The following CWF19L2 variants were observed in gnomAD, a reference collection of about 807,000 sequenced individuals.
CWF19L2 encodes CWF19 like cell cycle control factor 2.
CWF19L2 carries 98 observed loss-of-function variants against 111.7 expected under a neutral mutation model. The observed-to-expected ratio is 0.88, with a 90% CI of 0.75 to 1.04. The LOEUF (loss-of-function observed/expected upper bound fraction) is 1.04, where lower values mean the gene tolerates loss of function less well. Ranked by LOEUF, CWF19L2 falls within the 50% of genes least tolerant of loss-of-function variation. The probability of loss-of-function intolerance (pLI) is 0.00; values close to 1 mark genes in which losing one functional copy is unlikely to be tolerated. For synonymous variants in CWF19L2, 351 were observed against 342.9 expected (o/e 1.02, Z -0.26); for missense variants, 1,101 against 1,051.4 (o/e 1.05, Z -0.65).
intron 3 of CWF19L2, among the ~76,000 whole-genome samples, chr11:107,451,559 G>C (rs184867219): frequency 3.9e-5 from 6 of 152,172 alleles, no homozygotes; most frequent in Non-Finnish European, 8.8e-5. Flanking sequence ...ACTGACAGAG[G>C]AAACAAACAG....
chr11:107,394,765 A>G (rs886702247), intron 10 of CWF19L2, among the ~76,000 whole-genome samples: 1 of 152,072 alleles, frequency 6.6e-6, no homozygotes, highest in African/African-American at 2.4e-5. Context: ...TACCCCTCAA[A>G]TGCTGATGAT....
rs906463241 is a variant in CWF19L2, at chr11:107,326,889, T to C, written c.*21A>G. On this transcript the variant is annotated 3_prime_UTR_variant, in exon 18 of 18. Coordinates refer to ENST00000282251, the MANE Select transcript of CWF19L2 (RefSeq NM_152434.3). Reference sequence around the variant, plus strand: ...AAACTGAACGGGATCTGAAGAAAAATTTTAAAATGGAAGGTACACCTCAAT... The same window carrying C: ...AAACTGAACGGGATCTGAAGAAAAACTTTAAAATGGAAGGTACACCTCAAT... 7.1e-6 allele frequency: 11 copies of C among 1,558,836 alleles called. No homozygotes were observed. The highest frequency in any genetic ancestry group is 8.6e-6 in the Non-Finnish European group (10 of 1,156,704).
chr11:107,358,717 A>C (rs762099492), intron 12 of CWF19L2, among the ~76,000 whole-genome samples: 5 of 152,218 alleles, frequency 3.3e-5, no homozygotes, highest in Admixed American at 6.5e-5. Flanking sequence ...GGATTAGCTA[A>C]TTTTAATCTG....
At chr11:107,392,997 TA>T in intron 10 of CWF19L2, 102 bp from the exon 11 acceptor site, 1 of 709,284 alleles carries the variant, frequency 1.4e-6, no homozygotes, top group Non-Finnish European at 2.3e-6. Context: ...CGTTTCCACA[TA>T]ACGTTGTGGA....
intron 3 of CWF19L2, among the ~76,000 whole-genome samples, chr11:107,444,870 G>C (rs1019978438): frequency 6.6e-6 from 1 of 152,092 alleles, no homozygotes; most frequent in South Asian, 2.1e-4. Flanking sequence ...ATATACCATA[G>C]AGTGAATACA....
At chr11:107,415,738 T>C (rs1422315843) in intron 10 of CWF19L2, among the ~76,000 whole-genome samples, 1 of 152,168 alleles carries the variant, frequency 6.6e-6, no homozygotes, top group Non-Finnish European at 1.5e-5. Context: ...AAACTAAATT[T>C]TTTAAAACAA....
Position 107,409,750 on chromosome 11 carries a change from C to T in CWF19L2, c.1617+6459G>A, listed in dbSNP as rs527957259. Among the ~76,000 whole-genome samples the T allele has an allele frequency of 3.3e-5, 5 of 152,112 alleles. No homozygotes were observed. In the East Asian group the frequency reaches 9.7e-4, roughly 29 times the overall value. On this transcript the variant is annotated intron_variant, in intron 10 of 17. Coordinates refer to ENST00000282251, the MANE Select transcript of CWF19L2 (RefSeq NM_152434.3). ...TTAGATGGAGAAGCTATGTGGTGGGCTTAATGTTAAAATAAAGAAGCTGTA... is the reference window on the plus strand; with the variant it reads ...TTAGATGGAGAAGCTATGTGGTGGGTTTAATGTTAAAATAAAGAAGCTGTA...
intron 14 of CWF19L2, among the ~76,000 whole-genome samples, chr11:107,345,803 A>T (rs1457955115): frequency 6.6e-6 from 1 of 152,210 alleles, no homozygotes; most frequent in East Asian, 1.9e-4. Context: ...TTCATTTTTT[A>T]AAAAGTTATG....
At chr11:107,338,480 T>G (rs934202524) in intron 14 of CWF19L2, among the ~76,000 whole-genome samples, 1 of 152,148 alleles carries the variant, frequency 6.6e-6, no homozygotes, top group African/African-American at 2.4e-5. Flanking sequence ...ACGTGTGCCA[T>G]GGTGGTTTGC....
chr11:107,444,064 T>C (rs139719672), intron 3 of CWF19L2, among the ~76,000 whole-genome samples: 1 of 151,900 alleles, frequency 6.6e-6, no homozygotes, highest in Admixed American at 6.6e-5. Flanking sequence ...AGATCCCTAA[T>C]GGCCTAGAAA....
intron 1 of CWF19L2, among the ~76,000 whole-genome samples, chr11:107,457,290 T>A (rs1861868594): frequency 6.6e-6 from 1 of 152,150 alleles, no homozygotes; most frequent in Non-Finnish European, 1.5e-5. Context: ...AATGTCAAAC[T>A]GAGTCTATTC....
chr11:107,423,816 GC>G (rs931156693), intron 8 of CWF19L2, among the ~76,000 whole-genome samples: 3 of 151,726 alleles, frequency 2.0e-5, no homozygotes, highest in African/African-American at 7.3e-5. Flanking sequence ...TAAAGACCAA[GC>G]CATCCATCAA....
intron 4 of CWF19L2, 116 bp downstream of exon 4, chr11:107,442,823 A>C (rs980212090): frequency 2.4e-6 from 1 of 422,694 alleles, no homozygotes. Flanking sequence ...AGGGAGGGGG[A>C]GGGAGGGAGA....
chr11:107,419,927 TAAAC>T (rs1861280270), intron 8 of CWF19L2, among the ~76,000 whole-genome samples: 1 of 151,836 alleles, frequency 6.6e-6, no homozygotes, highest in Admixed American at 6.6e-5. Context: ...GAAATATAAA[TAAAC>T]AATGATAAAG....
At chr11:107,337,803 T>C (rs1221484950) in intron 14 of CWF19L2, among the ~76,000 whole-genome samples, 1 of 152,218 alleles carries the variant, frequency 6.6e-6, no homozygotes, top group Non-Finnish European at 1.5e-5. Flanking sequence ...ATGTATTTTA[T>C]TTAGATTTGT....
chr11:107,329,589 A>C lies in CWF19L2; in HGVS notation c.2541+329T>G, dbSNP rs73547612. Among the ~76,000 whole-genome samples the C allele has an allele frequency of 3.6e-3, 554 of 152,294 alleles. 1 individual carries two copies. The highest frequency in any genetic ancestry group is 0.013 in the African/African-American group (540 of 41,576). ...TATTGTGAGCATTAAATGAATGCTT[A>C]GAACAGTAGCTGGCACACTGTAAGC... On this transcript the variant is annotated intron_variant, in intron 17 of 17. Transcript: ENST00000282251.
chr11:107,412,243 T>C (rs1861166821), intron 10 of CWF19L2, among the ~76,000 whole-genome samples: 2 of 152,192 alleles, frequency 1.3e-5, no homozygotes, highest in Admixed American at 6.6e-5. Context: ...ATACATGCCA[T>C]AGAGAATACT....
chr11:107,390,711 G>C (rs1490992991), intron 11 of CWF19L2, among the ~76,000 whole-genome samples: 1 of 152,166 alleles, frequency 6.6e-6, no homozygotes, highest in Non-Finnish European at 1.5e-5. Flanking sequence ...GGAGGTAACT[G>C]GGCTATGAGC....
chr11:107,370,736 C>A lies in CWF19L2; in HGVS notation c.1873-17000G>T, dbSNP rs938866179. 2.2e-5 allele frequency among the ~76,000 whole-genome samples: 3 copies of A among 137,192 alleles called. 1 individual carries two copies. Among genetic ancestry groups the A allele is most frequent in the Admixed American group, 1.4e-4 (2 of 13,996 alleles). The allele number at this position is 137,192 out of a possible 152,430, so 90.0% of individuals were successfully genotyped here. On this transcript the variant is annotated intron_variant, in intron 12 of 17. Transcript: ENST00000282251. ...CAGTTTTTAATTCTACACTTTCTTA[C>A]CATCTAAGTAAATAAAAATAAACTT... is the stretch of plus-strand genomic sequence containing the variant.
Sources: gnomAD v4.1 joint callset for allele counts (sites outside exome capture counted in the v4.1 genomes callset) on GRCh38, gnomAD v4.1.1 for gene constraint, MANE v1.5 for transcripts, NCBI Gene and HGNC (gene_info 2026-07-23, HGNC 2026-07-21) for gene names.